INHBA: variants seen among roughly 807,000 people sequenced by gnomAD.
INHBA encodes the protein inhibin beta A chain.
INHBA carries 1 observed loss-of-function variant against 29.0 expected under a neutral mutation model. The ratio of observed to expected loss-of-function variants is 0.03; its 90% CI spans 0.01 to 0.16. The LOEUF (loss-of-function observed/expected upper bound fraction) is 0.16. Ranked by LOEUF, INHBA falls within the 10% of genes least tolerant of loss-of-function variation. The pLI is 1.00. For synonymous variants in INHBA, 242 were observed against 216.8 expected (o/e 1.12, Z -1.02); for missense variants, 376 against 545.4 (o/e 0.69, Z 3.09).
intron 2 of INHBA, chr7:41,691,949 G>A (rs1292676176): frequency 3.3e-5 from 5 of 152,198 alleles, no homozygotes; most frequent in Non-Finnish European, 5.9e-5. Flanking sequence ...ATGTCAAATA[G>A]CAATCGCTGC....
rs757877629 is a variant in INHBA, at chr7:41,700,021, C to T, written c.354G>A (p.Glu118=). The change falls in exon 2 of 3, where the codon GAG becomes GAA. Residue 118 remains glutamate, a synonymous_variant. Coordinates refer to ENST00000242208, the MANE Select transcript of INHBA (RefSeq NM_002192.4). The part of the protein sequence containing the change: ...GRRAEMNELM[E]QTSEIITFAE... ...CAAACGTGATGATCTCCGAGGTCTGCTCCATAAGTTCATTCATTTCTGCCC... is the reference window on the plus strand; with the variant it reads ...CAAACGTGATGATCTCCGAGGTCTGTTCCATAAGTTCATTCATTTCTGCCC... 1.0e-5 allele frequency: 15 copies of T among 1,483,440 alleles called. No individual in the cohort carries two copies. Among genetic ancestry groups the T allele is most frequent in the Admixed American group, 1.9e-5 (1 of 53,704 alleles). The allele number at this position is 1,483,440 out of a possible 1,614,324, so 91.9% of individuals were successfully genotyped here.
intron 1 of INHBA, 44 bp from the exon 2 acceptor site, chr7:41,700,561 G>T: frequency 2.2e-6 from 1 of 448,154 alleles, no homozygotes; most frequent in Admixed American, 4.2e-5. Context: ...TTGTTTGCAG[G>T]TTCCTCTCTG....
At chr7:41,696,055 A>G (rs1177001883) in intron 2 of INHBA, among the ~76,000 whole-genome samples, 1 of 151,324 alleles carries the variant, frequency 6.6e-6, no homozygotes, top group Non-Finnish European at 1.5e-5. Context: ...CTTTCCCACC[A>G]TTTCTCTCCA....
intron 2 of INHBA, among the ~76,000 whole-genome samples, chr7:41,690,952 A>C (rs1371152252): frequency 6.6e-6 from 1 of 152,184 alleles, no homozygotes; most frequent in African/African-American, 2.4e-5. Flanking sequence ...CCTTTATAGA[A>C]AAAAGGTTTT....
At chr7:41,698,577 C>A (rs1165389085) in intron 2 of INHBA, among the ~76,000 whole-genome samples, 4 of 152,128 alleles carry the variant, frequency 2.6e-5, no homozygotes, top group African/African-American at 4.8e-5. Flanking sequence ...AATGATCATG[C>A]CTTTTGGGGC....
At chr7:41,695,310 T>A (rs774106559) in intron 2 of INHBA, among the ~76,000 whole-genome samples, 4 of 152,206 alleles carry the variant, frequency 2.6e-5, no homozygotes, top group Admixed American at 6.5e-5. Context: ...GGGGGAAGCC[T>A]CCCTGTAAAA....
At chr7:41,702,046 C>A (rs939586740) in intron 1 of INHBA, among the ~76,000 whole-genome samples, 4 of 152,132 alleles carry the variant, frequency 2.6e-5, no homozygotes, top group Admixed American at 2.6e-4. Context: ...TTTAAGGGGT[C>A]CATCTGTTAA....
In INHBA at chr7:41,689,836, T is replaced by C. The variant is rs369432371; in HGVS notation, c.1095A>G (p.Ser365=). ...TGATGACTGTTGAGTGGAAGGACAG[T>C]GAGGACCCGGACGTGCCTGCTATAT... is the stretch of plus-strand genomic sequence containing the variant. ...PSHIAGTSGS[S]LSFHSTVINH... Residue 365 remains serine (S), a synonymous_variant, in exon 3 of 3, where the codon TCA becomes TCG. Transcript: ENST00000242208. The C allele has an allele frequency of 3.7e-6, 6 of 1,613,928 alleles. No individual in the cohort carries two copies. The highest frequency in any genetic ancestry group is 5.1e-6 in the Non-Finnish European group (6 of 1,179,990).
intron 2 of INHBA, among the ~76,000 whole-genome samples, chr7:41,695,647 C>T (rs1343392523): frequency 1.3e-5 from 2 of 152,212 alleles, no homozygotes; most frequent in Non-Finnish European, 2.9e-5. Flanking sequence ...AAACGTCCAT[C>T]ATCCATGCCT....
chr7:41,689,513 G>GTTTTTTTTTTTTTT lies in INHBA; in HGVS notation c.*136_*137insAAAAAAAAAAAAAA. On this transcript the variant is annotated 3_prime_UTR_variant, in exon 3 of 3. Coordinates refer to ENST00000242208, the MANE Select transcript of INHBA (RefSeq NM_002192.4). ...CAGGTTTTGTTTTTAATTTACTTTTGTTTTTTTTTGTTTTTTTTTTTGTTT... is the reference window on the plus strand; with the variant it reads ...CAGGTTTTGTTTTTAATTTACTTTTGTTTTTTTTTTTTTTTTTTTTTTTGTTTTTTTTTTTGTTT... 1.4e-6 allele frequency: 1 copy of GTTTTTTTTTTTTTT among 712,724 alleles called. No homozygotes were observed. The highest frequency in any genetic ancestry group is 2.0e-6 in the Non-Finnish European group (1 of 495,706). 44.1% of individuals were successfully genotyped at this position (712,724 alleles called of 1,614,324 possible). A position where few individuals can be genotyped will look rare whatever the true frequency, so the allele number is the denominator to read the frequency against.
At position 41,700,016 on chromosome 7, in the gene INHBA, G is replaced by A. The variant is rs778711643; in HGVS notation, c.359C>T (p.Thr120Ile). The change falls in exon 2 of 3, where the codon ACC (threonine) becomes ATC (isoleucine). Residue 120 changes from threonine (T) to isoleucine (I), a missense_variant. Coordinates refer to ENST00000242208, the MANE Select transcript of INHBA (RefSeq NM_002192.4). ...CTCGGCAAACGTGATGATCTCCGAGGTCTGCTCCATAAGTTCATTCATTTC... is the reference window on the plus strand; with the variant it reads ...CTCGGCAAACGTGATGATCTCCGAGATCTGCTCCATAAGTTCATTCATTTC... The part of the protein sequence containing the change: ...RAEMNELMEQ[T>I]SEIITFAESG... The A allele has an allele frequency of 6.9e-6, 11 of 1,604,326 alleles. No individual in the cohort carries two copies. Among genetic ancestry groups the A allele is most frequent in the African/African-American group, 1.4e-5 (1 of 71,434 alleles).
chr7:41,704,888 C>T (rs913621588), upstream of INHBA, among the ~76,000 whole-genome samples: 1 of 152,126 alleles, frequency 6.6e-6, no homozygotes, highest in African/African-American at 2.4e-5. Context: ...CTGCAGCTCT[C>T]TGACCAGAGG....
At chr7:41,702,945 C>A (rs533726571) in intron 1 of INHBA, 60 bp downstream of exon 1, 2 of 152,196 alleles carry the variant, frequency 1.3e-5, no homozygotes, top group Non-Finnish European at 1.5e-5. Flanking sequence ...TAAAATTCCT[C>A]CTAGCTTTCC....
At chr7:41,697,366 G>A (rs118161317) in intron 2 of INHBA, among the ~76,000 whole-genome samples, 3,743 of 152,252 alleles carry the variant, frequency 0.025, 78 homozygotes, top group Non-Finnish European at 0.039. Flanking sequence ...ATAACAACTC[G>A]CATCAACTTT....
chr7:41,703,726 T>C (rs1236550235), upstream of INHBA, among the ~76,000 whole-genome samples: 1 of 151,938 alleles, frequency 6.6e-6, no homozygotes, highest in Non-Finnish European at 1.5e-5. Context: ...ACTTCATAAG[T>C]ATCCTTCCCA....
intron 2 of INHBA, among the ~76,000 whole-genome samples, chr7:41,698,401 A>C (rs1044654875): frequency 6.6e-6 from 1 of 152,234 alleles, no homozygotes; most frequent in Non-Finnish European, 1.5e-5. Context: ...GACAGGAAGC[A>C]ACCCTCTAGA....
Position 41,689,864 on chromosome 7 carries a change from C to A in INHBA, c.1067G>T (p.Ser356Ile). The change falls in exon 3 of 3, where the codon AGC becomes ATC. Residue 356 changes from serine to isoleucine, a missense_variant. Transcript: ENST00000242208. ...GGACCCGGACGTGCCTGCTATATGG[C>A]TCGGGCACTCACCCTCGCAGTAGTT... is the stretch of plus-strand genomic sequence containing the variant. Reference protein sequence around the residue: ...HANYCEGECPSHIAGTSGSSL... With the variant: ...HANYCEGECPIHIAGTSGSSL... The A allele has an allele frequency of 6.2e-7, 1 of 1,614,034 alleles. No homozygotes were observed. Among genetic ancestry groups the A allele is most frequent in the Non-Finnish European group, 8.5e-7 (1 of 1,180,008 alleles).
At chr7:41,697,861 C>G (rs1234874459) in intron 2 of INHBA, among the ~76,000 whole-genome samples, 3 of 152,094 alleles carry the variant, frequency 2.0e-5, no homozygotes, top group African/African-American at 7.2e-5. Context: ...AGTAGACAGT[C>G]CATACAGCAA....
chr7:41,694,610 T>C (rs971351796), intron 2 of INHBA, among the ~76,000 whole-genome samples: 8 of 152,220 alleles, frequency 5.3e-5, no homozygotes, highest in Non-Finnish European at 1.2e-4. Context: ...TTTGCGAACC[T>C]TTCATTACCT....
Sources: gnomAD v4.1 joint callset for allele counts (sites outside exome capture counted in the v4.1 genomes callset) on GRCh38, gnomAD v4.1.1 for gene constraint, MANE v1.5 for transcripts, NCBI Gene and HGNC (gene_info 2026-07-23, HGNC 2026-07-21) for gene names.